The following NAPB variants were observed in gnomAD, a reference collection of about 807,000 sequenced individuals.
NAPB encodes beta-soluble NSF attachment protein.
Under a neutral mutation model 44.7 loss-of-function variants are expected in NAPB, and 26 were observed. The observed-to-expected ratio is 0.58, with a 90% CI of 0.43 to 0.81. The LOEUF (loss-of-function observed/expected upper bound fraction) is 0.81, where lower values mean the gene tolerates loss of function less well. Ranked by LOEUF, NAPB falls within the 30% of genes least tolerant of loss-of-function variation. The probability of loss-of-function intolerance (pLI) is 0.00; values close to 1 mark genes in which losing one functional copy is unlikely to be tolerated. For missense variants in NAPB, 315 were observed against 356.4 expected, an observed-to-expected ratio of 0.88 and a Z score of 0.94; for synonymous variants, 120 against 116.8, an observed-to-expected ratio of 1.03 and a Z score of -0.18.
intron 9 of NAPB, 91 bp downstream of exon 9, chr20:23,379,776 G>A (rs73901818): frequency 8.3e-6 from 8 of 966,324 alleles, no homozygotes; most frequent in African/African-American, 1.6e-5. Flanking sequence ...AGACTTTATA[G>A]ATTAAAACTT....
intron 7 of NAPB, among the ~76,000 whole-genome samples, chr20:23,386,845 A>G (rs1017733886): frequency 1.3e-5 from 2 of 152,212 alleles, no homozygotes; most frequent in African/African-American, 2.4e-5. Context: ...AATTGTGAGT[A>G]TAACAGCTTT....
chr20:23,420,606 A>G (rs995209895), intron 1 of NAPB, among the ~76,000 whole-genome samples: 1 of 151,964 alleles, frequency 6.6e-6, no homozygotes, highest in Non-Finnish European at 1.5e-5. Flanking sequence ...GACCGGTCTC[A>G]GGAGCGATAC....
chr20:23,413,678 GA>G (rs1985807056), intron 1 of NAPB, among the ~76,000 whole-genome samples: 2 of 152,042 alleles, frequency 1.3e-5, no homozygotes, highest in African/African-American at 4.8e-5. Flanking sequence ...TTAAAAGTCA[GA>G]AAAGACTACT....
chr20:23,410,846 G>A (rs1046938057), intron 1 of NAPB, among the ~76,000 whole-genome samples: 1 of 151,968 alleles, frequency 6.6e-6, no homozygotes, highest in African/African-American at 2.4e-5. Context: ...AGATATGAAA[G>A]TACATCATAA....
chr20:23,387,881 G>A (rs1339058228), intron 7 of NAPB, among the ~76,000 whole-genome samples: 3 of 152,188 alleles, frequency 2.0e-5, no homozygotes, highest in East Asian at 1.9e-4. Context: ...GTGTTATTCT[G>A]AGTGTGTCTG....
intron 10 of NAPB, among the ~76,000 whole-genome samples, chr20:23,377,806 T>C (rs1181644462): frequency 2.0e-5 from 3 of 152,132 alleles, no homozygotes; most frequent in African/African-American, 7.2e-5. Flanking sequence ...TTGAAAGGAA[T>C]ATGGAAAATT....
chr20:23,410,253 C>T (rs972400610), intron 1 of NAPB, among the ~76,000 whole-genome samples: 1 of 152,176 alleles, frequency 6.6e-6, no homozygotes, highest in Non-Finnish European at 1.5e-5. Flanking sequence ...TTAACTGTAC[C>T]TACACAACGC....
chr20:23,380,401 G>T (rs562471930), intron 8 of NAPB, among the ~76,000 whole-genome samples: 1 of 152,304 alleles, frequency 6.6e-6, no homozygotes, highest in Admixed American at 6.5e-5. Flanking sequence ...AGTGCTCACT[G>T]TGCTTTTCAA....
chr20:23,399,269 T>A (rs1984642747), intron 2 of NAPB, among the ~76,000 whole-genome samples: 1 of 152,160 alleles, frequency 6.6e-6, no homozygotes, highest in South Asian at 2.1e-4. Flanking sequence ...TACTGGAGCC[T>A]GATATCCAAT....
rs542612162 is a variant in NAPB at position 23,385,688 on chromosome 20, G to C, written c.561+4258C>G. 7.3e-5 allele frequency among the ~76,000 whole-genome samples: 11 copies of C among 150,436 alleles called. No individual in the cohort carries two copies. In the South Asian group the frequency reaches 2.1e-3, roughly 29 times the overall value. On this transcript the variant is annotated intron_variant, in intron 7 of 10. Coordinates refer to ENST00000377026, the MANE Select transcript of NAPB (RefSeq NM_022080.3). The stretch of plus-strand genomic sequence containing the variant: ...AGATCAAGTCACTGCACTCCAGCCT[G>C]GGTGACAGAGCAAGACTCTGTCTGA...
At chr20:23,405,040 C>A (rs990885009) in intron 1 of NAPB, among the ~76,000 whole-genome samples, 1 of 152,188 alleles carries the variant, frequency 6.6e-6, no homozygotes, top group Non-Finnish European at 1.5e-5. Context: ...AGGAGGCTCA[C>A]GCCTGTAATC....
At chr20:23,405,460 G>A (rs996576712) in intron 1 of NAPB, among the ~76,000 whole-genome samples, 9 of 152,172 alleles carry the variant, frequency 5.9e-5, no homozygotes, top group Admixed American at 2.6e-4. Flanking sequence ...AGTGGCTCAC[G>A]CCTGTAATCC....
At chr20:23,407,546 C>T (rs1242910325) in intron 1 of NAPB, among the ~76,000 whole-genome samples, 4 of 152,120 alleles carry the variant, frequency 2.6e-5, no homozygotes, top group Admixed American at 2.0e-4. Context: ...CCACTGCCAC[C>T]TGGCTGGCCC....
chr20:23,388,219 C>A (rs539965644), intron 7 of NAPB, among the ~76,000 whole-genome samples: 111 of 151,998 alleles, frequency 7.3e-4, no homozygotes, highest in Non-Finnish European at 1.1e-3. Context: ...CGAATCAATT[C>A]CCTCCAGTAA....
intron 7 of NAPB, among the ~76,000 whole-genome samples, chr20:23,381,623 A>T (rs1159797999): frequency 2.0e-5 from 3 of 152,126 alleles, no homozygotes; most frequent in African/African-American, 7.2e-5. Context: ...TAAAAAACAA[A>T]CGTTTCCCAA....
chr20:23,382,318 CA>C (rs1381489378), intron 7 of NAPB, among the ~76,000 whole-genome samples: 4 of 114,180 alleles, frequency 3.5e-5, no homozygotes, highest in African/African-American at 1.3e-4. Flanking sequence ...AGAGGAATGT[CA>C]AAGAAGGCCA....
intron 2 of NAPB, among the ~76,000 whole-genome samples, chr20:23,399,423 C>A (rs765720569): frequency 1.3e-5 from 2 of 152,134 alleles, no homozygotes; most frequent in African/African-American, 4.8e-5. Context: ...AGCAAGAAGG[C>A]GCCATCGTGG....
intron 1 of NAPB, among the ~76,000 whole-genome samples, chr20:23,411,108 T>C (rs1461318920): frequency 6.6e-6 from 1 of 152,140 alleles, no homozygotes; most frequent in Non-Finnish European, 1.5e-5. Context: ...CCAATATCCA[T>C]GTAATGAGAG....
Position 23,412,370 on chromosome 20 carries a change from A to C in NAPB, c.98+8935T>G, listed in dbSNP as rs543107929. ...ATACAGTCCTAAGGAATGCAAACACAAGCAGTAAGAAAACAGAGATTGCTA... is the reference window on the plus strand; with the variant it reads ...ATACAGTCCTAAGGAATGCAAACACCAGCAGTAAGAAAACAGAGATTGCTA... On this transcript the variant is annotated intron_variant, in intron 1 of 10. Transcript: ENST00000377026. 1.5e-4 allele frequency among the ~76,000 whole-genome samples: 23 copies of C among 152,304 alleles called. 1 individual carries two copies. In the South Asian group the frequency reaches 4.8e-3, roughly 32 times the overall value.
Sources: gnomAD v4.1 joint callset for allele counts (sites outside exome capture counted in the v4.1 genomes callset) on GRCh38, gnomAD v4.1.1 for gene constraint, MANE v1.5 for transcripts, NCBI Gene and HGNC (gene_info 2026-07-23, HGNC 2026-07-21) for gene names.